Variants in GABRR2 observed in about 807,000 individuals in gnomAD.
GABRR2 encodes the protein gamma-aminobutyric acid type A receptor subunit rho2, also known as gamma-aminobutyric acid receptor subunit rho-2.
A neutral mutation model predicts 47.0 loss-of-function variants in GABRR2; 36 were observed. That is an observed-to-expected ratio of 0.77 (90% CI 0.59 to 1.01). GABRR2 has a LOEUF of 1.01. Among genes scored for constraint, GABRR2 ranks in the 50% least tolerant of loss-of-function variants. The pLI is 0.00. For missense variants in GABRR2, 587 were observed against 594.6 expected (o/e 0.99, Z 0.13); for synonymous variants, 204 against 227.5 (o/e 0.90, Z 0.93).
At chr6:89,281,166 A>G (rs1282641573) in intron 2 of GABRR2, among the ~76,000 whole-genome samples, 1 of 152,216 alleles carries the variant, frequency 6.6e-6, no homozygotes, top group East Asian at 1.9e-4. Flanking sequence ...TGTCCACCAG[A>G]CCAAGCCCTG....
chr6:89,297,636 C>T lies in GABRR2; in HGVS notation c.220+2123G>A, dbSNP rs372387187. Among the ~76,000 whole-genome samples the T allele has an allele frequency of 1.2e-4, 18 of 152,272 alleles. No homozygotes were observed. The East Asian group carries it at 3.5e-3, about 29-fold the overall frequency. On this transcript the variant is annotated intron_variant, in intron 2 of 8. Transcript: ENST00000402938. The stretch of plus-strand genomic sequence containing the variant: ...TTGGGAGGCTGAGGTGGGTGGATCA[C>T]TTGAGGTCAGGAGTTCAAGACCAGC...
chr6:89,276,149 A>G lies in GABRR2; in HGVS notation c.221-4427T>C, dbSNP rs1210988943. Among the ~76,000 whole-genome samples, 5 of 147,788 alleles carry G rather than the reference A, an allele frequency of 3.4e-5. 1 individual carries two copies. In the East Asian group the frequency reaches 9.7e-4, roughly 29 times the overall value. On this transcript the variant is annotated intron_variant, in intron 2 of 8. Transcript: ENST00000402938. ...TATATTATATACATTATAAATTATT[A>G]TTTATATTATTATATAAATAAGTTC...
chr6:89,298,950 A>G (rs922359778), intron 2 of GABRR2, among the ~76,000 whole-genome samples: 1 of 152,166 alleles, frequency 6.6e-6, no homozygotes, highest in Non-Finnish European at 1.5e-5. Flanking sequence ...CTATGAACAG[A>G]AAGTGGGCCC....
At chr6:89,274,133 C>T (rs902356594) in intron 2 of GABRR2, among the ~76,000 whole-genome samples, 3 of 152,216 alleles carry the variant, frequency 2.0e-5, no homozygotes, top group African/African-American at 7.2e-5. Flanking sequence ...CTCCAGTGCC[C>T]TTTTAAGGAG....
At chr6:89,260,839 C>T (rs964006299) in intron 8 of GABRR2, among the ~76,000 whole-genome samples, 14 of 152,192 alleles carry the variant, frequency 9.2e-5, no homozygotes, top group African/African-American at 3.4e-4. Context: ...TTAGGAACCT[C>T]AGCTCTATTG....
At chr6:89,302,588 C>G in intron 1 of GABRR2, 1 of 1,077,850 alleles carries the variant, frequency 9.3e-7, no homozygotes, top group East Asian at 3.7e-5. Flanking sequence ...AGGCATGAAG[C>G]CCGGGCAGCC....
At chr6:89,264,698 T>G (rs769495959) in intron 7 of GABRR2, 90 bp from the exon 8 acceptor site, 18 of 1,464,588 alleles carry the variant, frequency 1.2e-5, no homozygotes, top group Non-Finnish European at 1.7e-5. Context: ...TCTCTATCTC[T>G]TAAACCACAT....
Position 89,276,377 on chromosome 6 carries a change from A to G in GABRR2, c.221-4655T>C, listed in dbSNP as rs186650709. On this transcript the variant is annotated intron_variant, in intron 2 of 8. Transcript: ENST00000402938. ...ATAAAACTGGAAAACTATAAAACTT[A>G]GAATCAATATAAATTTCCACATTAA... 3.9e-5 allele frequency among the ~76,000 whole-genome samples: 6 copies of G among 152,156 alleles called. No individual in the cohort carries two copies. The East Asian group carries it at 7.7e-4, about 20-fold the overall frequency.
At chr6:89,294,762 G>T (rs1024615292) in intron 2 of GABRR2, among the ~76,000 whole-genome samples, 10 of 150,420 alleles carry the variant, frequency 6.6e-5, no homozygotes, top group Non-Finnish European at 1.5e-4. Context: ...TTTACATTAG[G>T]TATATCTCCT....
At chr6:89,264,668 A>C in intron 7 of GABRR2, 60 bp from the exon 8 acceptor site, 140 of 1,571,400 alleles carry the variant, frequency 8.9e-5, no homozygotes, top group Middle Eastern at 1.7e-4. Flanking sequence ...CTCATATCTC[A>C]CTAAGTCACG....
intron 1 of GABRR2, among the ~76,000 whole-genome samples, chr6:89,310,664 C>T (rs1767664623): frequency 6.8e-6 from 1 of 146,614 alleles, no homozygotes; most frequent in Admixed American, 7.1e-5. Flanking sequence ...TCAATGCATG[C>T]ATAGTTTGGT....
intron 2 of GABRR2, among the ~76,000 whole-genome samples, chr6:89,280,247 T>TATATATATATATATATATAC (rs1271132149): frequency 4.2e-4 from 43 of 101,250 alleles, no homozygotes; most frequent in South Asian, 7.1e-4. Context: ...TATATATATA[T>TATATATATATATATATATAC]ATATATACAT....
chr6:89,257,650 T>A lies in GABRR2; in HGVS notation c.*20A>T. ...CCCCCTCGATGTCTATGCCCTCTTC[T>A]AGGAACAGCCTTGGAGCCCCTAGGA... On this transcript the variant is annotated 3_prime_UTR_variant, in exon 9 of 9. Coordinates refer to ENST00000402938, the MANE Select transcript of GABRR2 (RefSeq NM_002043.5). 2 of 1,593,176 alleles carry A rather than the reference T, an allele frequency of 1.3e-6. No individual in the cohort carries two copies. Among genetic ancestry groups the A allele is most frequent in the Non-Finnish European group, 1.7e-6 (2 of 1,167,556 alleles).
In GABRR2 at chr6:89,292,860, T is replaced by G. The variant is rs868647974; in HGVS notation, c.220+6899A>C. Among the ~76,000 whole-genome samples, 133 of 139,400 alleles carry G rather than the reference T, an allele frequency of 9.5e-4. 2 individuals carry two copies. Among genetic ancestry groups the G allele is most frequent in the African/African-American group, 2.4e-3 (84 of 34,802 alleles). The allele number at this position is 139,400 out of a possible 152,430, so 91.5% of individuals were successfully genotyped here. On this transcript the variant is annotated intron_variant, in intron 2 of 8. Transcript: ENST00000402938. ...TACGATATATCGTATATATCATATATTATATATCTATATATCATATATAGA... is the reference window on the plus strand; with the variant it reads ...TACGATATATCGTATATATCATATAGTATATATCTATATATCATATATAGA...
chr6:89,268,922 AC>A, intron 4 of GABRR2, 88 bp downstream of exon 4: 1 of 1,184,352 alleles, frequency 8.4e-7, no homozygotes, highest in Non-Finnish European at 1.2e-6. Context: ...CACAGACCCA[AC>A]CGCAGTGACA....
At chr6:89,307,814 C>CT (rs1247224346) in intron 1 of GABRR2, among the ~76,000 whole-genome samples, 5,217 of 125,246 alleles carry the variant, frequency 0.042, 323 homozygotes, top group African/African-American at 0.087. Context: ...ACTTCATTCA[C>CT]TTTTTTTTTT....
chr6:89,288,318 CAG>C (rs1344798198), intron 2 of GABRR2, among the ~76,000 whole-genome samples: 1 of 151,898 alleles, frequency 6.6e-6, no homozygotes, highest in Non-Finnish European at 1.5e-5. Context: ...AGAGGGGAGC[CAG>C]AGAGTGGAAA....
chr6:89,280,247 T>TATATATACAC (rs1554197257), intron 2 of GABRR2, among the ~76,000 whole-genome samples: 12 of 101,330 alleles, frequency 1.2e-4, no homozygotes, highest in East Asian at 3.3e-4. Flanking sequence ...TATATATATA[T>TATATATACAC]ATATATACAT....
At chr6:89,291,933 T>C (rs186726290) in intron 2 of GABRR2, among the ~76,000 whole-genome samples, 63 of 152,198 alleles carry the variant, frequency 4.1e-4, no homozygotes, top group African/African-American at 1.5e-3. Context: ...CCAACAGCTC[T>C]CCAGCCTTTT....
Sources: allele counts gnomAD v4.1 joint callset (sites outside exome capture counted in the v4.1 genomes callset), GRCh38; gene constraint gnomAD v4.1.1; transcripts MANE v1.5; gene names NCBI Gene and HGNC (gene_info 2026-07-23, HGNC 2026-07-21).